The following SPAG16 variants were observed in gnomAD, a reference collection of about 807,000 sequenced individuals.
SPAG16 encodes sperm-associated antigen 16 protein.
Under a neutral mutation model 80.4 loss-of-function variants are expected in SPAG16, and 86 were observed. The observed-to-expected ratio is 1.07, with a 90% CI of 0.90 to 1.28. SPAG16 has a LOEUF of 1.28. Ranked by LOEUF, SPAG16 falls within the 50% of genes most tolerant of loss-of-function variation. The pLI is 0.00. For missense variants in SPAG16, 870 were observed against 765.3 expected (o/e 1.14, Z -1.61); for synonymous variants, 294 against 265.9 (o/e 1.11, Z -1.03).
intron 13 of SPAG16, among the ~76,000 whole-genome samples, chr2:214,033,833 T>G (rs755192544): frequency 1.3e-5 from 2 of 152,164 alleles, no homozygotes; most frequent in African/African-American, 2.4e-5. Flanking sequence ...AACAACAACA[T>G]TCTCTGAAAC....
At chr2:214,282,755 A>T (rs1693050656) in intron 15 of SPAG16, among the ~76,000 whole-genome samples, 1 of 152,208 alleles carries the variant, frequency 6.6e-6, no homozygotes, top group Admixed American at 6.5e-5. Flanking sequence ...TAAATGGCTA[A>T]CTTAGGATAT....
chr2:213,615,378 G>T lies in SPAG16; in HGVS notation c.1070+125288G>T, dbSNP rs138099032. On this transcript the variant is annotated intron_variant, in intron 10 of 15. Transcript: ENST00000331683. ...GGCTGAGGCGGGCAGATCACCTGAG[G>T]CCAGGAATTCGAGACCAGCCTGGCC... Among the ~76,000 whole-genome samples the T allele has an allele frequency of 4.2e-3, 644 of 152,270 alleles. 4 individuals carry two copies. Among genetic ancestry groups the T allele is most frequent in the African/African-American group, 0.014 (596 of 41,550 alleles).
intron 15 of SPAG16, among the ~76,000 whole-genome samples, chr2:214,343,132 T>C (rs1196889656): frequency 1.3e-5 from 2 of 152,192 alleles, no homozygotes; most frequent in African/African-American, 4.8e-5. Flanking sequence ...ATAACTATTT[T>C]ATTTAAAAAT....
chr2:213,676,881 G>A (rs1287095152), intron 10 of SPAG16, among the ~76,000 whole-genome samples: 2 of 150,986 alleles, frequency 1.3e-5, no homozygotes, highest in East Asian at 3.9e-4. Context: ...TTGGTATCAG[G>A]ATGATGCTGG....
intron 10 of SPAG16, among the ~76,000 whole-genome samples, chr2:213,725,205 G>C (rs986209603): frequency 3.3e-5 from 5 of 151,978 alleles, no homozygotes; most frequent in African/African-American, 1.2e-4. Flanking sequence ...GCTAATTTTT[G>C]TAGAGACAGG....
intron 15 of SPAG16, among the ~76,000 whole-genome samples, chr2:214,253,010 C>T (rs1488542992): frequency 1.3e-5 from 2 of 151,440 alleles, no homozygotes; most frequent in African/African-American, 2.4e-5. Context: ...GAGATGGTAT[C>T]TCATTGTGGT....
chr2:213,431,616 A>G (rs1165676861), intron 9 of SPAG16, among the ~76,000 whole-genome samples: 1 of 152,106 alleles, frequency 6.6e-6, no homozygotes, highest in African/African-American at 2.4e-5. Flanking sequence ...AACAAATATT[A>G]CTAGACCTAA....
At chr2:214,081,713 G>A (rs948715606) in intron 13 of SPAG16, among the ~76,000 whole-genome samples, 21 of 152,136 alleles carry the variant, frequency 1.4e-4, no homozygotes, top group Non-Finnish European at 1.5e-5. Flanking sequence ...AGTTTGTGAT[G>A]TTTTGTTATG....
chr2:214,021,596 T>A (rs1156305718), intron 13 of SPAG16, among the ~76,000 whole-genome samples: 1 of 152,094 alleles, frequency 6.6e-6, no homozygotes, highest in Non-Finnish European at 1.5e-5. Context: ...CAAGATGAGA[T>A]TTGGGTGGGG....
chr2:213,483,841 G>A (rs567144318), intron 9 of SPAG16, among the ~76,000 whole-genome samples: 3 of 152,252 alleles, frequency 2.0e-5, no homozygotes, highest in Admixed American at 6.5e-5. Flanking sequence ...ATTTTTGTGG[G>A]TTAGCCTTTA....
intron 10 of SPAG16, among the ~76,000 whole-genome samples, chr2:213,556,681 T>C (rs1472178848): frequency 2.6e-5 from 4 of 151,992 alleles, no homozygotes; most frequent in Non-Finnish European, 5.9e-5. Flanking sequence ...AAAGAATACA[T>C]CATCCAGACT....
intron 9 of SPAG16, among the ~76,000 whole-genome samples, chr2:213,427,575 C>T (rs552657543): frequency 2.6e-5 from 4 of 152,108 alleles, no homozygotes; most frequent in African/African-American, 7.2e-5. Context: ...ATAAGAAAGT[C>T]GAGTTTACAT....
chr2:214,336,589 C>T (rs1697306141), intron 15 of SPAG16, among the ~76,000 whole-genome samples: 1 of 151,904 alleles, frequency 6.6e-6, no homozygotes, highest in Non-Finnish European at 1.5e-5. Flanking sequence ...CAACTTAAGG[C>T]ATTTTTGAAT....
At chr2:213,343,213 C>T (rs1393551961) in intron 6 of SPAG16, among the ~76,000 whole-genome samples, 1 of 152,068 alleles carries the variant, frequency 6.6e-6, no homozygotes, top group Non-Finnish European at 1.5e-5. Context: ...TTCTGACCAG[C>T]CATAAGGGAA....
chr2:214,067,998 T>A (rs1047266633), intron 13 of SPAG16, among the ~76,000 whole-genome samples: 4 of 152,112 alleles, frequency 2.6e-5, no homozygotes, highest in Non-Finnish European at 5.9e-5. Context: ...TTTTGGAAAG[T>A]GATGAGAAAA....
intron 13 of SPAG16, among the ~76,000 whole-genome samples, chr2:214,070,080 AT>A (rs71034614): frequency 2.7e-3 from 388 of 142,498 alleles, no homozygotes; most frequent in African/African-American, 4.0e-3. Context: ...CTCTTGGGGA[AT>A]TTTTTTTTTT....
chr2:213,622,111 AT>A (rs1309966104), intron 10 of SPAG16, among the ~76,000 whole-genome samples: 1 of 152,040 alleles, frequency 6.6e-6, no homozygotes, highest in African/African-American at 2.4e-5. Flanking sequence ...AGATGAGTGC[AT>A]TTTTTTTCCT....
intron 10 of SPAG16, among the ~76,000 whole-genome samples, chr2:213,686,026 TAATC>T (rs763261575): frequency 1.2e-4 from 19 of 152,370 alleles, no homozygotes; most frequent in Non-Finnish European, 2.6e-4. Flanking sequence ...AAAGGTATCA[TAATC>T]AAGATAGTTA....
chr2:214,155,307 G>GA (rs1436930556), intron 15 of SPAG16, among the ~76,000 whole-genome samples: 4 of 152,158 alleles, frequency 2.6e-5, no homozygotes, highest in African/African-American at 9.7e-5. Flanking sequence ...ACAAGAATGG[G>GA]AAAACCTTAC....
Sources: allele counts gnomAD v4.1 joint callset (sites outside exome capture counted in the v4.1 genomes callset), GRCh38; gene constraint gnomAD v4.1.1; transcripts MANE v1.5; gene names NCBI Gene and HGNC (gene_info 2026-07-23, HGNC 2026-07-21).